Variants in SLC5A12 observed in about 807,000 individuals in gnomAD.
SLC5A12 encodes solute carrier family 5 member 12.
Under a neutral mutation model 72.7 loss-of-function variants are expected in SLC5A12, and 46 were observed. The ratio of observed to expected loss-of-function variants is 0.63; its 90% confidence interval spans 0.50 to 0.81. The LOEUF is 0.81. Ranked by LOEUF, SLC5A12 falls within the 30% of genes least tolerant of loss-of-function variation. The pLI, the probability that SLC5A12 is intolerant of heterozygous loss-of-function variation, is 0.00. For synonymous variants in SLC5A12, 275 were observed against 264.4 expected (o/e 1.04, Z -0.39); for missense variants, 683 against 740.7 (o/e 0.92, Z 0.90).
At chr11:26,708,758 C>T (rs985750466) in intron 4 of SLC5A12, among the ~76,000 whole-genome samples, 1 of 151,978 alleles carries the variant, frequency 6.6e-6, no homozygotes, top group African/African-American at 2.4e-5. Flanking sequence ...CATAAACATG[C>T]TGTCAATACA....
At position 26,681,101 on chromosome 11, in the gene SLC5A12, T is replaced by C; in HGVS notation, c.1429A>G (p.Ile477Val). Reference protein sequence around the residue: ...WPLPLSTDQCIKSNVTATGPP... With the variant: ...WPLPLSTDQCVKSNVTATGPP... The stretch of plus-strand genomic sequence containing the variant: ...CCTGTTGCTGTCACATTTGATTTGA[T>C]ACATTGGTCTGTTGACAGAGGCAAA... Residue 477 changes from isoleucine (I) to valine (V), a missense_variant, in exon 12 of 15, where the codon ATC becomes GTC. Transcript: ENST00000396005. The C allele has an allele frequency of 1.9e-6, 3 of 1,610,818 alleles. No individual in the cohort carries two copies. Among genetic ancestry groups the C allele is most frequent in the Non-Finnish European group, 2.5e-6 (3 of 1,178,362 alleles).
At position 26,703,916 on chromosome 11, in the gene SLC5A12, G is replaced by T; in HGVS notation, c.557C>A (p.Ala186Glu). 6.2e-7 allele frequency: 1 copy of T among 1,613,866 alleles called. No individual in the cohort carries two copies. The highest frequency in any genetic ancestry group is 1.1e-5 in the South Asian group (1 of 91,086). The change falls in exon 5 of 15, where the codon GCA (alanine) becomes GAA (glutamate). Residue 186 changes from alanine (A) to glutamate (E), a missense_variant. Physicochemically the swap from Ala to Glu is moderately radical, Grantham distance 107 (BLOSUM62 -1). Coordinates refer to ENST00000396005, the MANE Select transcript of SLC5A12 (RefSeq NM_178498.4). ...GGLKAVVWTD[A>E]FQMVVMIVGF... ...CACAATCATGACAACCATCTGAAAT[G>T]CATCTGTCCACACCACTGCTTTTAA...
At chr11:26,714,168 G>A (rs1051622993) in intron 1 of SLC5A12, among the ~76,000 whole-genome samples, 1 of 151,344 alleles carries the variant, frequency 6.6e-6, no homozygotes, top group Non-Finnish European at 1.5e-5. Context: ...GATATATACT[G>A]GGGAAGGTAT....
At chr11:26,720,533 G>C (rs995662244) in intron 1 of SLC5A12, among the ~76,000 whole-genome samples, 1 of 151,740 alleles carries the variant, frequency 6.6e-6, no homozygotes, top group East Asian at 1.9e-4. Context: ...TTGAAGGCTA[G>C]AATAATGTTT....
intron 3 of SLC5A12, 67 bp from the exon 4 acceptor site, chr11:26,709,446 G>A: frequency 1.7e-6 from 2 of 1,160,314 alleles, no homozygotes; most frequent in Non-Finnish European, 1.2e-6. Context: ...AGTTTTATGA[G>A]GAAAAAGACA....
rs545473288 is a variant in SLC5A12, at chr11:26,676,321, T to G, written c.1579+2391A>C. ...TTTGTAGAGTGAAATCAACCATAGT[T>G]AAAAGCAAATAAATGGGCAAGCTCT... On this transcript the variant is annotated intron_variant, in intron 13 of 14. Transcript: ENST00000396005. Among the ~76,000 whole-genome samples the G allele has an allele frequency of 4.0e-4, 54 of 133,484 alleles. No homozygotes were observed. The East Asian group carries it at 6.4e-3, about 16-fold the overall frequency. 87.6% of individuals were successfully genotyped at this position (133,484 alleles called of 152,430 possible).
At chr11:26,713,071 G>T (rs983875819) in intron 1 of SLC5A12, among the ~76,000 whole-genome samples, 1 of 151,892 alleles carries the variant, frequency 6.6e-6, no homozygotes, top group Non-Finnish European at 1.5e-5. Context: ...CTCTTTTCTG[G>T]ATTGCTGTTG....
chr11:26,706,754 T>G (rs555264483), intron 4 of SLC5A12, among the ~76,000 whole-genome samples: 1 of 151,566 alleles, frequency 6.6e-6, no homozygotes, highest in South Asian at 2.1e-4. Context: ...CATTCTATTT[T>G]TATACAGTTT....
At chr11:26,719,988 A>C (rs1040979103) in intron 1 of SLC5A12, among the ~76,000 whole-genome samples, 1 of 152,200 alleles carries the variant, frequency 6.6e-6, no homozygotes, top group Non-Finnish European at 1.5e-5. Flanking sequence ...AGGTGACAGT[A>C]CCTGTCTAAA....
chr11:26,684,524 C>A (rs1046295563), intron 10 of SLC5A12, among the ~76,000 whole-genome samples: 8 of 152,096 alleles, frequency 5.3e-5, no homozygotes, highest in African/African-American at 1.9e-4. Flanking sequence ...AGCCATCATG[C>A]CTCTCCTAGG....
At chr11:26,696,947 T>G (rs1169751578) in intron 8 of SLC5A12, among the ~76,000 whole-genome samples, 4 of 152,222 alleles carry the variant, frequency 2.6e-5, no homozygotes, top group Non-Finnish European at 5.9e-5. Flanking sequence ...TAGGTAATTT[T>G]TCTATCTTGC....
At chr11:26,700,608 T>G (rs916954918) in intron 6 of SLC5A12, among the ~76,000 whole-genome samples, 1 of 142,218 alleles carries the variant, frequency 7.0e-6, no homozygotes, top group Non-Finnish European at 1.5e-5. Flanking sequence ...CAACTGTGTG[T>G]AGATGTGCTC....
intron 1 of SLC5A12, among the ~76,000 whole-genome samples, chr11:26,718,620 TTG>T (rs10578471): frequency 0.015 from 2,195 of 149,690 alleles, 54 homozygotes; most frequent in East Asian, 0.064. Context: ...CTGGCTAATT[TTG>T]TGTGTGTGTG....
rs1554994290 is a variant in SLC5A12 at position 26,703,448 on chromosome 11, C to CACACA, written c.821+82_821+83insTGTGT. 1,729 of 891,354 alleles carry CACACA rather than the reference C, an allele frequency of 1.9e-3. 4 individuals are homozygous for CACACA. Among genetic ancestry groups the CACACA allele is most frequent in the South Asian group, 6.0e-3 (337 of 55,982 alleles). The allele number at this position is 891,354 out of a possible 1,614,324, so 55.2% of individuals were successfully genotyped here. A position where few individuals can be genotyped will look rare whatever the true frequency, so the allele number is the denominator to read the frequency against. On this transcript the variant is annotated intron_variant, in intron 6 of 14. Transcript: ENST00000396005. Reference sequence around the variant, plus strand: ...CATACACACACACACACACACACACCCCCCAAGAGGAAGTATTAATATATA... The same window carrying CACACA: ...CATACACACACACACACACACACACCACACACCCCAAGAGGAAGTATTAATATATA...
chr11:26,699,201 C>T (rs943191198), intron 6 of SLC5A12, among the ~76,000 whole-genome samples: 1 of 152,166 alleles, frequency 6.6e-6, no homozygotes, highest in Non-Finnish European at 1.5e-5. Context: ...AAAAATTTTA[C>T]TAATTTCCTC....
intron 9 of SLC5A12, among the ~76,000 whole-genome samples, chr11:26,690,229 A>G (rs894987908): frequency 6.6e-6 from 1 of 152,156 alleles, no homozygotes; most frequent in Admixed American, 6.6e-5. Flanking sequence ...AAGAGAATAA[A>G]TAGTAATGAA....
chr11:26,686,833 A>C (rs1458545621), intron 9 of SLC5A12, among the ~76,000 whole-genome samples: 1 of 152,210 alleles, frequency 6.6e-6, no homozygotes, highest in Non-Finnish European at 1.5e-5. Flanking sequence ...ATGTGGAAAC[A>C]ACATGAAAAT....
intron 4 of SLC5A12, among the ~76,000 whole-genome samples, chr11:26,706,906 C>T (rs1231114011): frequency 1.3e-5 from 2 of 150,474 alleles, no homozygotes; most frequent in Non-Finnish European, 3.0e-5. Flanking sequence ...CATTTCATAC[C>T]AAAAATAGTT....
At chr11:26,694,443 T>C (rs1051907077) in intron 8 of SLC5A12, among the ~76,000 whole-genome samples, 4 of 152,036 alleles carry the variant, frequency 2.6e-5, no homozygotes, top group Non-Finnish European at 4.4e-5. Flanking sequence ...AAATAAAGCA[T>C]GTAGAGAGGG....
Sources: gnomAD v4.1 joint callset for allele counts (sites outside exome capture counted in the v4.1 genomes callset) on GRCh38, gnomAD v4.1.1 for gene constraint, MANE v1.5 for transcripts, NCBI Gene and HGNC (gene_info 2026-07-23, HGNC 2026-07-21) for gene names.